TACC2: variants seen among roughly 807,000 people sequenced by gnomAD.
TACC2 encodes the protein transforming acidic coiled-coil containing protein 2, also known as transforming acidic coiled-coil-containing protein 2.
In TACC2, 137 loss-of-function variants were observed where a neutral mutation model predicts 227.3. The observed-to-expected ratio is 0.60, with a 90% confidence interval of 0.52 to 0.69. TACC2 has a LOEUF of 0.69. Ranked by LOEUF, TACC2 falls within the 30% of genes least tolerant of loss-of-function variation. The pLI, the probability that TACC2 is intolerant of heterozygous loss-of-function variation, is 0.00. For missense variants in TACC2, 3,470 were observed against 3,694.4 expected (o/e 0.94, Z 1.57); for synonymous variants, 1,523 against 1,487.5 (o/e 1.02, Z -0.55).
At chr10:122,167,855 CTCTT>C (rs2093266469) in intron 7 of TACC2, among the ~76,000 whole-genome samples, 1 of 152,120 alleles carries the variant, frequency 6.6e-6, no homozygotes, top group South Asian at 2.1e-4. Context: ...CTAAGCAGGA[CTCTT>C]TCTTTAGCTC....
chr10:122,019,837 A>T (rs1957121304), intron 1 of TACC2: 1 of 152,280 alleles, frequency 6.6e-6, no homozygotes, highest in Admixed American at 6.5e-5. Flanking sequence ...TGAAGGGCAG[A>T]ATTTCCATGC....
chr10:122,076,912 C>T (rs769664830), intron 3 of TACC2, among the ~76,000 whole-genome samples: 1 of 151,890 alleles, frequency 6.6e-6, no homozygotes, highest in African/African-American at 2.4e-5. Flanking sequence ...CTCAGGAGTT[C>T]GAGACCAGCC....
chr10:122,033,524 T>G (rs1037896478), intron 2 of TACC2, among the ~76,000 whole-genome samples: 1 of 152,212 alleles, frequency 6.6e-6, no homozygotes, highest in Admixed American at 6.5e-5. Flanking sequence ...GGGAATGGGG[T>G]GGTGACCCTA....
chr10:122,238,848 A>G (rs1397986167), intron 18 of TACC2, among the ~76,000 whole-genome samples: 1 of 152,144 alleles, frequency 6.6e-6, no homozygotes, highest in African/African-American at 2.4e-5. Flanking sequence ...CATTGTATGG[A>G]TATAACGTAA....
intron 18 of TACC2, among the ~76,000 whole-genome samples, chr10:122,241,109 A>G (rs2095983235): frequency 6.6e-6 from 1 of 152,108 alleles, no homozygotes; most frequent in Non-Finnish European, 1.5e-5. Flanking sequence ...AGAAATAGAG[A>G]GAAAGTGAAT....
chr10:122,213,244 G>A (rs968322930), intron 9 of TACC2: 62 of 1,294,664 alleles, frequency 4.8e-5, no homozygotes, highest in African/African-American at 3.8e-4. Context: ...AGCGGTGGCC[G>A]CCATATCCTA....
At chr10:122,069,782 A>T (rs2077828419) in intron 3 of TACC2, among the ~76,000 whole-genome samples, 1 of 152,168 alleles carries the variant, frequency 6.6e-6, no homozygotes, top group South Asian at 2.1e-4. Flanking sequence ...ACCCTTCTAG[A>T]AAAAAAGAAT....
At position 122,241,926 on chromosome 10, in the gene TACC2, A is replaced by C. The variant is rs1295206150; in HGVS notation, c.8349-32A>C. The C allele has an allele frequency of 1.9e-6, 3 of 1,609,610 alleles. No individual in the cohort carries two copies. In the South Asian group the frequency reaches 3.3e-5, roughly 18 times the overall value. ...TGAGATGGAAAACCATTCTGTTGTC[A>C]TGACTCCAACGTGTCTTTACTTCTC... On this transcript the variant is annotated intron_variant, in intron 18 of 22. Coordinates refer to ENST00000369005, the MANE Select transcript of TACC2 (RefSeq NM_206862.4).
intron 8 of TACC2, among the ~76,000 whole-genome samples, chr10:122,203,306 A>C (rs2094946584): frequency 8.0e-6 from 1 of 124,984 alleles, no homozygotes; most frequent in African/African-American, 4.0e-5. Flanking sequence ...ACTTCCCAGT[A>C]GGGGCGGCCG....
At chr10:122,252,775 G>A (rs1447415824) in intron 22 of TACC2, among the ~76,000 whole-genome samples, 2 of 152,310 alleles carry the variant, frequency 1.3e-5, no homozygotes, top group Non-Finnish European at 2.9e-5. Context: ...TTGCAGGCGT[G>A]AGCCACCACG....
chr10:122,173,106 G>T (rs143088567), intron 7 of TACC2, among the ~76,000 whole-genome samples: 113 of 152,202 alleles, frequency 7.4e-4, no homozygotes, highest in African/African-American at 2.6e-3. Context: ...GGCATATATC[G>T]CCTGTGCCTG....
intron 6 of TACC2, among the ~76,000 whole-genome samples, chr10:122,136,329 C>T (rs565201946): frequency 1.8e-4 from 28 of 152,078 alleles, no homozygotes; most frequent in Middle Eastern, 3.4e-3. Context: ...GCAGTGTCCC[C>T]GCCACCCCAT....
Position 122,236,585 on chromosome 10 carries a change from C to T in TACC2, c.8128-810C>T, listed in dbSNP as rs550111832. On this transcript the variant is annotated intron_variant, in intron 16 of 22. Transcript: ENST00000369005. ...TGTGCAAAGGGAAAAAGAATAACCA[C>T]AGATTCCTCCTCCTCACCTGTGGGA... Among the ~76,000 whole-genome samples, 17 of 35,824 alleles carry T rather than the reference C, an allele frequency of 4.7e-4. 1 individual carries two copies. The highest frequency in any genetic ancestry group is 4.5e-3 in the Admixed American group (15 of 3,368). 23.5% of individuals were successfully genotyped at this position (35,824 alleles called of 152,430 possible).
rs2080070853 is a variant in TACC2, at chr10:122,086,120, C to G, written c.3620C>G (p.Thr1207Ser). Residue 1207 changes from threonine to serine, a missense_variant, in exon 4 of 23, where the codon ACC (threonine) becomes AGC (serine). Around this residue, in one of 10 missense-constraint regions of TACC2, gnomAD observed 1,924 missense variants for 1,978.3 expected, o/e 0.97. Transcript: ENST00000369005. ...ARELGGIPRSTMDFSTHQAVP... is the reference protein window; with the variant it reads ...ARELGGIPRSSMDFSTHQAVP... ...GAGCTGGGTGGGATTCCCAGGAGCA[C>G]CATGGATTTTTCTACACACCAGGCT... 1 of 1,613,456 alleles carries G rather than the reference C, an allele frequency of 6.2e-7. No individual in the cohort carries two copies. Among genetic ancestry groups the G allele is most frequent in the Non-Finnish European group, 8.5e-7 (1 of 1,179,992 alleles).
At chr10:122,008,342 C>A (rs182673724) in intron 1 of TACC2, among the ~76,000 whole-genome samples, 8 of 151,136 alleles carry the variant, frequency 5.3e-5, no homozygotes, top group Admixed American at 4.0e-4. Flanking sequence ...TCACTGCAAC[C>A]TCTCGCCTCC....
chr10:122,118,092 C>A (rs1205839998), intron 5 of TACC2, among the ~76,000 whole-genome samples: 1 of 151,094 alleles, frequency 6.6e-6, no homozygotes, highest in Non-Finnish European at 1.5e-5. Context: ...CAGCTCACGG[C>A]AACCCCTGCT....
Position 122,086,051 on chromosome 10 carries a change from A to G in TACC2, c.3551A>G (p.Glu1184Gly), listed in dbSNP as rs971124190. ...TSALRESCQA[E>G]HPMASCQDAL... The stretch of plus-strand genomic sequence containing the variant: ...GCCCTACGTGAGTCCTGCCAAGCTG[A>G]GCACCCCATGGCCAGCTGCCAGGAT... Residue 1184 changes from glutamate to glycine, a missense_variant, in exon 4 of 23, where the codon GAG becomes GGG. By Grantham distance (98) the Glu-to-Gly change is moderately conservative. Transcript: ENST00000369005. 1.2e-6 allele frequency: 2 copies of G among 1,613,884 alleles called. No individual in the cohort carries two copies. The highest frequency in any genetic ancestry group is 1.7e-6 in the Non-Finnish European group (2 of 1,180,034).
At chr10:122,196,306 A>C (rs2094566314) in intron 8 of TACC2, among the ~76,000 whole-genome samples, 1 of 152,118 alleles carries the variant, frequency 6.6e-6, no homozygotes, top group African/African-American at 2.4e-5. Flanking sequence ...AAACCAGCAA[A>C]CCCCCGTGCT....
chr10:122,036,478 C>T (rs1960412969), intron 2 of TACC2, among the ~76,000 whole-genome samples: 1 of 149,582 alleles, frequency 6.7e-6, no homozygotes, highest in Non-Finnish European at 1.5e-5. Context: ...CAGGCATGCG[C>T]CACCGTGCCT....
Sources: gnomAD v4.1 joint callset for allele counts (sites outside exome capture counted in the v4.1 genomes callset) on GRCh38, gnomAD v4.1.1 for gene constraint, gnomAD v4.1.1 regional missense constraint, MANE v1.5 for transcripts, NCBI Gene and HGNC (gene_info 2026-07-23, HGNC 2026-07-21) for gene names.